NHS: variants seen among roughly 807,000 people sequenced by gnomAD.
NHS encodes the protein NHS actin remodeling regulator, also known as actin remodeling regulator NHS.
A neutral mutation model predicts 72.5 loss-of-function variants in NHS; 5 were observed. The observed-to-expected ratio is 0.07, with a 90% CI of 0.04 to 0.14. The LOEUF is 0.14. NHS is among the 10% of genes least tolerant of loss of function. NHS has a pLI of 1.00. For synonymous variants in NHS, 464 were observed against 547.7 expected, an observed-to-expected ratio of 0.85 and a Z score of 2.13; for missense variants, 1,072 against 1,355.7, an observed-to-expected ratio of 0.79 and a Z score of 3.29.
chrX:17,700,468 A>G (rs936527015), intron 3 of NHS, among the ~76,000 whole-genome samples: 12 of 110,300 alleles, frequency 1.1e-4, no homozygotes, highest in Non-Finnish European at 2.1e-4. Flanking sequence ...AAGAAAAAAA[A>G]GAAATGCAAA....
intron 1 of NHS, among the ~76,000 whole-genome samples, chrX:17,661,428 C>T (rs569990277): frequency 4.6e-5 from 5 of 109,799 alleles, no homozygotes; most frequent in Non-Finnish European, 3.8e-5. Flanking sequence ...TCCCCTTGCC[C>T]CCCACCCCCT....
chrX:17,615,206 ATATATATACG>A (rs2065737099), intron 1 of NHS, among the ~76,000 whole-genome samples: 1 of 91,881 alleles, frequency 1.1e-5, no homozygotes, highest in African/African-American at 4.8e-5. Flanking sequence ...ATATATACGT[ATATATATACG>A]TATATATACA....
chrX:17,663,600 G>T (rs1376327653), intron 1 of NHS, among the ~76,000 whole-genome samples: 1 of 112,225 alleles, frequency 8.9e-6, no homozygotes, highest in East Asian at 2.8e-4. Context: ...TCCATTGTAA[G>T]AATATACCAT....
rs745406801 is a variant in NHS, at chrX:17,445,744, T to TA, written c.565+69434dup. 3.6e-3 allele frequency among the ~76,000 whole-genome samples: 208 copies of TA among 57,195 alleles called. 1 individual carries two copies. In the Middle Eastern group the frequency reaches 0.054, roughly 15 times the overall value. 49.7% of individuals were successfully genotyped at this position (57,195 alleles called of 115,157 possible). On this transcript the variant is annotated intron_variant, in intron 1 of 8. Coordinates refer to ENST00000676302, the MANE Select transcript of NHS (RefSeq NM_001291867.2). The stretch of plus-strand genomic sequence containing the variant: ...GCTGAGGTCTCGACTTACTCACTGC[T>TA]AAAAAAAAAAAAGGGGGGGGGGACT...
At position 17,376,027 on chromosome X, in the gene NHS, G is replaced by A; in HGVS notation, c.270G>A (p.Val90=). Residue 90 remains valine (V), a synonymous_variant, in exon 1 of 9, where the codon GTG becomes GTA. Transcript: ENST00000676302. ...AGCCGCCGCACGGAGAGGCGTCCGT[G>A]GCTGGCGAGGAGAGCACGGCGGGGA... ...QTQPPHGEAS[V]AGEESTAGIP... 2 of 1,083,281 alleles carry A rather than the reference G, an allele frequency of 1.8e-6. No homozygotes were observed. Among genetic ancestry groups the A allele is most frequent in the Non-Finnish European group, 1.2e-6 (1 of 838,086 alleles). The allele number at this position is 1,083,281 out of a possible 1,213,427, so 89.3% of individuals were successfully genotyped here.
intron 1 of NHS, among the ~76,000 whole-genome samples, chrX:17,448,743 A>G (rs953010022): frequency 8.9e-6 from 1 of 112,005 alleles, no homozygotes; most frequent in African/African-American, 3.2e-5. Context: ...TTTGTCATCT[A>G]TAGCCTGAGC....
chrX:17,555,953 T>C (rs1412031499), intron 1 of NHS, among the ~76,000 whole-genome samples: 2 of 112,084 alleles, frequency 1.8e-5, no homozygotes, highest in Non-Finnish European at 3.8e-5. Context: ...AGAAATCACA[T>C]TTGGTCTAGA....
chrX:17,613,032 T>A (rs1008478287), intron 1 of NHS, among the ~76,000 whole-genome samples: 1 of 84,054 alleles, frequency 1.2e-5, no homozygotes, highest in East Asian at 3.9e-4. Context: ...TTTTTTTTTT[T>A]AACATATCTC....
At chrX:17,389,979 C>T (rs1569244247) in intron 1 of NHS, among the ~76,000 whole-genome samples, 1 of 111,747 alleles carries the variant, frequency 8.9e-6, no homozygotes, top group Non-Finnish European at 1.9e-5. Flanking sequence ...TTGATACTCT[C>T]TGGTACATTT....
At position 17,687,647 on chromosome X, in the gene NHS, C is replaced by T. The variant is rs773424232; in HGVS notation, c.566-95C>T. 4.7e-4 allele frequency: 475 copies of T among 1,013,497 alleles called. 4 individuals carry two copies. The South Asian group carries it at 8.5e-3, about 18-fold the overall frequency. The allele number at this position is 1,013,497 out of a possible 1,213,427, so 83.5% of individuals were successfully genotyped here. A position where few individuals can be genotyped will look rare whatever the true frequency, so the allele number is the denominator to read the frequency against. On this transcript the variant is annotated intron_variant, in intron 1 of 8. Transcript: ENST00000676302. ...GCAGTAGTCTGGACTTCCACTCCAC[C>T]CAGACTTTACTCCTGTCCTCTTCCC...
At chrX:17,715,026 A>T (rs1326722775) in intron 3 of NHS, among the ~76,000 whole-genome samples, 1 of 112,363 alleles carries the variant, frequency 8.9e-6, no homozygotes, top group African/African-American at 3.2e-5. Context: ...TAAGGTTTTT[A>T]AAAAAATATT....
intron 1 of NHS, among the ~76,000 whole-genome samples, chrX:17,456,245 G>T (rs1203927357): frequency 8.9e-6 from 1 of 111,896 alleles, no homozygotes; most frequent in Non-Finnish European, 1.9e-5. Context: ...TCTGGCCCCT[G>T]GGAGATCTTA....
chrX:17,561,393 G>T (rs2146966934), intron 1 of NHS, among the ~76,000 whole-genome samples: 1 of 110,190 alleles, frequency 9.1e-6, no homozygotes, highest in East Asian at 2.9e-4. Flanking sequence ...CTCCATTCCA[G>T]CGTCTGGGAA....
At chrX:17,667,796 T>C (rs1227590728) in intron 1 of NHS, among the ~76,000 whole-genome samples, 1 of 110,296 alleles carries the variant, frequency 9.1e-6, no homozygotes, top group Non-Finnish European at 1.9e-5. Flanking sequence ...CTTTCTTAGA[T>C]TTGGCAAGGA....
intron 1 of NHS, among the ~76,000 whole-genome samples, chrX:17,683,811 C>T (rs1410969004): frequency 9.0e-6 from 1 of 111,718 alleles, no homozygotes; most frequent in East Asian, 2.8e-4. Flanking sequence ...TCTTGGGGAG[C>T]AGTAACAGAG....
chrX:17,668,701 G>A (rs1190546372), intron 1 of NHS, among the ~76,000 whole-genome samples: 1 of 111,442 alleles, frequency 9.0e-6, no homozygotes, highest in Non-Finnish European at 1.9e-5. Flanking sequence ...AAGGATTCAA[G>A]TACAAGTAGT....
chrX:17,701,380 AG>A (rs975415952), intron 3 of NHS, among the ~76,000 whole-genome samples: 1 of 112,182 alleles, frequency 8.9e-6, no homozygotes, highest in African/African-American at 3.2e-5. Context: ...TAAAAAACAA[AG>A]GGCTTATGGA....
At chrX:17,450,161 G>A (rs908496025) in intron 1 of NHS, among the ~76,000 whole-genome samples, 19 of 111,596 alleles carry the variant, frequency 1.7e-4, no homozygotes, top group Admixed American at 1.2e-3. Context: ...TTCATGCTGG[G>A]ACACTACGTA....
At chrX:17,722,487 C>G (rs2066412280) in intron 5 of NHS, among the ~76,000 whole-genome samples, 1 of 111,640 alleles carries the variant, frequency 9.0e-6, no homozygotes, top group African/African-American at 3.3e-5. Flanking sequence ...GATTGCATGT[C>G]ACTTGAGATG....
Sources: gnomAD v4.1 joint callset for allele counts (sites outside exome capture counted in the v4.1 genomes callset) on GRCh38, gnomAD v4.1.1 for gene constraint, MANE v1.5 for transcripts, NCBI Gene and HGNC (gene_info 2026-07-23, HGNC 2026-07-21) for gene names.